CDH4: variants seen among roughly 807,000 people sequenced by gnomAD.
CDH4 encodes cadherin-4.
CDH4 carries 33 observed loss-of-function variants against 86.0 expected under a neutral mutation model. The observed-to-expected ratio is 0.38, with a 90% CI of 0.29 to 0.51. The LOEUF is 0.51. Ranked by LOEUF, CDH4 falls within the 20% of genes least tolerant of loss-of-function variation. The pLI is 0.86. For missense variants in CDH4, 1,114 were observed against 1,307.4 expected, an observed-to-expected ratio of 0.85 and a Z score of 2.28; for synonymous variants, 555 against 549.4, an observed-to-expected ratio of 1.01 and a Z score of -0.14.
chr20:61,642,149 G>T (rs926055025), intron 2 of CDH4, among the ~76,000 whole-genome samples: 1 of 152,216 alleles, frequency 6.6e-6, no homozygotes, highest in African/African-American at 2.4e-5. Context: ...AAATCAGAAA[G>T]AAAAAATGAG....
rs2085847309 is a variant in CDH4 at position 61,518,936 on chromosome 20, ATCAT to A, written c.170-224618_170-224615del. 6.6e-6 allele frequency among the ~76,000 whole-genome samples: 1 copy of A among 151,360 alleles called. No individual in the cohort carries two copies. Among genetic ancestry groups the A allele is most frequent in the South Asian group, 2.1e-4 (1 of 4,776 alleles). ...ATTCATCTACCCACCTCATTCATCCATCATTCATTCATCTATCCATCCATTATTT... is the reference window on the plus strand; with the variant it reads ...ATTCATCTACCCACCTCATTCATCCATCATTCATCTATCCATCCATTATTT... On this transcript the variant is annotated intron_variant, in intron 2 of 15. Coordinates refer to ENST00000614565, the MANE Select transcript of CDH4 (RefSeq NM_001794.5). This position sits in a 1 kb window ranked among gnomAD's most constrained non-coding sequence, Gnocchi z 6.3.
intron 2 of CDH4, among the ~76,000 whole-genome samples, chr20:61,334,504 G>C (rs373808762): frequency 6.6e-6 from 1 of 152,100 alleles, no homozygotes; most frequent in African/African-American, 2.4e-5. Flanking sequence ...TCTGGAGGCC[G>C]GGGGGGCTGG....
At chr20:61,771,003 TTTTTTTC>T (rs1426358067) in intron 3 of CDH4, among the ~76,000 whole-genome samples, 2 of 138,054 alleles carry the variant, frequency 1.4e-5, no homozygotes, top group Non-Finnish European at 3.2e-5. Context: ...TTCTTTTTTC[TTTTTTTC>T]TTTTTTTTTT....
chr20:61,298,855 G>A (rs2084371283), intron 2 of CDH4, among the ~76,000 whole-genome samples: 1 of 151,600 alleles, frequency 6.6e-6, no homozygotes, highest in Non-Finnish European at 1.5e-5. Context: ...GTGCACTAGT[G>A]TGTCTGTGTA....
intron 4 of CDH4, among the ~76,000 whole-genome samples, chr20:61,789,149 G>A (rs2066424): frequency 0.26 from 38,963 of 152,042 alleles, 5,705 homozygotes; most frequent in East Asian, 0.36. Flanking sequence ...AAAAGTCCTC[G>A]AAGCTCTCTT....
chr20:61,813,505 TCA>T (rs1434502228), intron 4 of CDH4, among the ~76,000 whole-genome samples: 1 of 152,176 alleles, frequency 6.6e-6, no homozygotes, highest in African/African-American at 2.4e-5. Flanking sequence ...GCCCACGGTG[TCA>T]CAGCTGGAAG....
chr20:61,358,143 T>C (rs948880665), intron 2 of CDH4, among the ~76,000 whole-genome samples: 2 of 152,150 alleles, frequency 1.3e-5, no homozygotes, highest in South Asian at 2.1e-4. Flanking sequence ...CTTTGAGAGA[T>C]TCCTGTGAGC....
chr20:61,900,636 G>GC (rs1163186419), intron 8 of CDH4, among the ~76,000 whole-genome samples: 3 of 152,238 alleles, frequency 2.0e-5, no homozygotes, highest in Admixed American at 2.0e-4. Flanking sequence ...AGGTCCCTCA[G>GC]CCTGGGGGTC....
At chr20:61,840,703 C>T (rs997591811) in intron 4 of CDH4, among the ~76,000 whole-genome samples, 1 of 152,270 alleles carries the variant, frequency 6.6e-6, no homozygotes, top group Admixed American at 6.5e-5. Context: ...GTGTTTGTCT[C>T]ATTTGCCAGA....
At chr20:61,577,797 T>C (rs370091428) in intron 2 of CDH4, among the ~76,000 whole-genome samples, 5 of 152,208 alleles carry the variant, frequency 3.3e-5, no homozygotes, top group African/African-American at 1.2e-4. Context: ...GAAAACATGC[T>C]GATGCTCAAT....
At chr20:61,630,835 G>T (rs968848212) in intron 2 of CDH4, among the ~76,000 whole-genome samples, 2 of 152,228 alleles carry the variant, frequency 1.3e-5, no homozygotes, top group African/African-American at 4.8e-5. Context: ...AACCCGTCCA[G>T]AGCCCTTCAG....
chr20:61,669,574 TGAA>T (rs1297147970), intron 2 of CDH4, among the ~76,000 whole-genome samples: 5 of 152,178 alleles, frequency 3.3e-5, no homozygotes, highest in African/African-American at 1.2e-4. Context: ...GAAGGAAAAC[TGAA>T]GAAGGGTGGC....
chr20:61,523,747 C>T (rs1368482994), intron 2 of CDH4, among the ~76,000 whole-genome samples: 3 of 152,256 alleles, frequency 2.0e-5, no homozygotes. Context: ...CCCCGACCAT[C>T]AGTGTGGATA....
chr20:61,907,197 G>A (rs1023013859), intron 8 of CDH4, among the ~76,000 whole-genome samples: 7 of 152,180 alleles, frequency 4.6e-5, no homozygotes, highest in African/African-American at 9.6e-5. Flanking sequence ...AGGCCCCCCC[G>A]GGCACCAGGT....
intron 7 of CDH4, among the ~76,000 whole-genome samples, chr20:61,886,299 A>G (rs1014784337): frequency 2.0e-5 from 3 of 152,324 alleles, no homozygotes; most frequent in African/African-American, 4.8e-5. Context: ...CGCTCGACTC[A>G]GGAAGCTTTG....
chr20:61,657,914 T>G (rs915987173), intron 2 of CDH4, among the ~76,000 whole-genome samples: 1 of 152,062 alleles, frequency 6.6e-6, no homozygotes, highest in African/African-American at 2.4e-5. Context: ...ACATGTGGAG[T>G]GAATTAGAGG....
At chr20:61,348,857 T>C (rs1170971485) in intron 2 of CDH4, among the ~76,000 whole-genome samples, 5 of 152,166 alleles carry the variant, frequency 3.3e-5, no homozygotes, top group Non-Finnish European at 7.3e-5. Context: ...GCCATTTGGA[T>C]TTTTGGATGT....
chr20:61,580,735 G>A (rs2086421436), intron 2 of CDH4, among the ~76,000 whole-genome samples: 4 of 152,140 alleles, frequency 2.6e-5, no homozygotes, highest in Admixed American at 2.6e-4. Context: ...ACCACCACTG[G>A]TGACAGGCGT....
At chr20:61,488,546 A>G (rs2085608615) in intron 2 of CDH4, among the ~76,000 whole-genome samples, 1 of 152,156 alleles carries the variant, frequency 6.6e-6, no homozygotes, top group Non-Finnish European at 1.5e-5. Flanking sequence ...CTTAAATTGC[A>G]GGATAAGTTC....
Sources: gnomAD v4.1 joint callset for allele counts (sites outside exome capture counted in the v4.1 genomes callset) on GRCh38, gnomAD v4.1.1 for gene constraint, Gnocchi (gnomAD v3.1) non-coding constraint, MANE v1.5 for transcripts, NCBI Gene and HGNC (gene_info 2026-07-23, HGNC 2026-07-21) for gene names.